The following CEP128 variants were observed in gnomAD, a reference collection of about 807,000 sequenced individuals.
The protein encoded by CEP128 is centrosomal protein 128, also known as centrosomal protein 128kDa.
Under a neutral mutation model 156.7 loss-of-function variants are expected in CEP128, and 132 were observed. That is an observed-to-expected ratio of 0.84 (90% CI 0.73 to 0.97). The LOEUF is 0.97. Among genes scored for constraint, CEP128 ranks in the 50% least tolerant of loss-of-function variants. CEP128 has a pLI of 0.00. For synonymous variants in CEP128, 469 were observed against 448.9 expected (o/e 1.04, Z -0.57); for missense variants, 1,252 against 1,281.9 (o/e 0.98, Z 0.36).
At chr14:80,880,691 C>T (rs1228354780) in intron 8 of CEP128, among the ~76,000 whole-genome samples, 4 of 103,362 alleles carry the variant, frequency 3.9e-5, no homozygotes, top group Non-Finnish European at 8.1e-5. Flanking sequence ...CCCCTCTCTA[C>T]TAAAAAAAAA....
At chr14:80,921,558 C>T (rs1349938496) in intron 2 of CEP128, among the ~76,000 whole-genome samples, 1 of 152,124 alleles carries the variant, frequency 6.6e-6, no homozygotes, top group Non-Finnish European at 1.5e-5. Flanking sequence ...TGAGCTAAGA[C>T]AACCAATATA....
At chr14:80,885,774 T>C (rs1566692953) in intron 8 of CEP128, among the ~76,000 whole-genome samples, 1 of 152,096 alleles carries the variant, frequency 6.6e-6, no homozygotes. Flanking sequence ...GGACAGAGAA[T>C]GTGTTTGACA....
chr14:80,821,760 C>G (rs1885199428), intron 13 of CEP128, among the ~76,000 whole-genome samples: 1 of 151,814 alleles, frequency 6.6e-6, no homozygotes, highest in Non-Finnish European at 1.5e-5. Context: ...ACTGCAGCCT[C>G]GGCCTCCCAG....
chr14:80,653,066 T>G (rs1241416481), intron 19 of CEP128, among the ~76,000 whole-genome samples: 2 of 152,168 alleles, frequency 1.3e-5, no homozygotes, highest in Admixed American at 6.5e-5. Flanking sequence ...GAAACCATCA[T>G]TCTCAGCAAA....
chr14:80,711,898 T>C (rs1210426897), intron 19 of CEP128, among the ~76,000 whole-genome samples: 1 of 152,046 alleles, frequency 6.6e-6, no homozygotes, highest in Non-Finnish European at 1.5e-5. Context: ...AAAATTCGAG[T>C]GAAAATAATT....
chr14:80,817,134 A>G (rs1307437414), intron 13 of CEP128, among the ~76,000 whole-genome samples: 1 of 152,174 alleles, frequency 6.6e-6, no homozygotes, highest in Non-Finnish European at 1.5e-5. Flanking sequence ...TAGAGACTAC[A>G]CACATGATGG....
chr14:80,578,017 A>G (rs1891430389), intron 20 of CEP128, among the ~76,000 whole-genome samples: 1 of 152,118 alleles, frequency 6.6e-6, no homozygotes, highest in Admixed American at 6.6e-5. Context: ...AGTTTAACCT[A>G]CCTCAATCGT....
intron 21 of CEP128, among the ~76,000 whole-genome samples, chr14:80,547,684 T>A (rs1288354734): frequency 6.6e-6 from 1 of 152,130 alleles, no homozygotes; most frequent in African/African-American, 2.4e-5. Flanking sequence ...TAATATAATA[T>A]GATTAAACTA....
intron 20 of CEP128, among the ~76,000 whole-genome samples, chr14:80,569,092 T>C (rs1240248499): frequency 1.3e-5 from 2 of 152,200 alleles, no homozygotes; most frequent in Non-Finnish European, 2.9e-5. Context: ...AAAGCTCTAT[T>C]ATCTTAAAGT....
intron 19 of CEP128, among the ~76,000 whole-genome samples, chr14:80,686,022 G>C (rs930302601): frequency 6.6e-6 from 1 of 151,980 alleles, no homozygotes; most frequent in Admixed American, 6.6e-5. Context: ...GAAAACCTAG[G>C]AAACACCATT....
intron 21 of CEP128, 106 bp from the exon 22 acceptor site, chr14:80,530,992 C>T (rs1889200222): frequency 1.8e-6 from 1 of 548,384 alleles, no homozygotes; most frequent in African/African-American, 1.9e-5. Context: ...GCAGTTCAAA[C>T]TGTAGATTTA....
chr14:80,650,730 G>A (rs1219456567), intron 19 of CEP128, among the ~76,000 whole-genome samples: 1 of 152,248 alleles, frequency 6.6e-6, no homozygotes, highest in South Asian at 2.1e-4. Flanking sequence ...TTATTGATTT[G>A]CATATATTGA....
chr14:80,611,515 T>C (rs1362241437), intron 19 of CEP128, among the ~76,000 whole-genome samples: 7 of 152,226 alleles, frequency 4.6e-5, no homozygotes, highest in African/African-American at 2.4e-5. Context: ...AATCTTAGAT[T>C]ATGGCTATTT....
At chr14:80,810,451 A>T (rs537006218) in intron 13 of CEP128, among the ~76,000 whole-genome samples, 65 of 152,228 alleles carry the variant, frequency 4.3e-4, no homozygotes, top group Non-Finnish European at 6.3e-4. Context: ...CTCATATTAA[A>T]ACATATAGAT....
rs140795538 is a variant in CEP128, at chr14:80,595,119, A to G, written c.2807-14696T>C. Among the ~76,000 whole-genome samples, 350 of 152,376 alleles carry G rather than the reference A, an allele frequency of 2.3e-3. 1 individual carries two copies. The highest frequency in any genetic ancestry group is 8.1e-3 in the African/African-American group (337 of 41,590). ...ACTAGATAAAGAAAATGTGGCACAT[A>G]CACACATGGAATACTATGCAGCCAT... On this transcript the variant is annotated intron_variant, in intron 19 of 24. Transcript: ENST00000555265.
intron 23 of CEP128, among the ~76,000 whole-genome samples, chr14:80,514,437 A>G (rs1362025187): frequency 2.0e-5 from 3 of 151,736 alleles, no homozygotes; most frequent in African/African-American, 7.3e-5. Context: ...CTCTGACTGT[A>G]TATTTTCAAA....
At chr14:80,785,943 G>A (rs1309883584) in intron 14 of CEP128, among the ~76,000 whole-genome samples, 1 of 152,062 alleles carries the variant, frequency 6.6e-6, no homozygotes, top group Admixed American at 6.6e-5. Context: ...ACATTCCAAT[G>A]ATACACTTTT....
intron 8 of CEP128, among the ~76,000 whole-genome samples, chr14:80,890,604 C>T (rs1487819273): frequency 1.3e-5 from 2 of 151,954 alleles, no homozygotes; most frequent in East Asian, 1.9e-4. Flanking sequence ...GAGAGGAGAA[C>T]ATCACACACT....
At chr14:80,511,311 A>G (rs1208977737) in intron 23 of CEP128, among the ~76,000 whole-genome samples, 1 of 151,744 alleles carries the variant, frequency 6.6e-6, no homozygotes, top group African/African-American at 2.4e-5. Context: ...CAGGTTTTGG[A>G]TTATTTTCCA....
Sources: gnomAD v4.1 joint callset for allele counts (sites outside exome capture counted in the v4.1 genomes callset) on GRCh38, gnomAD v4.1.1 for gene constraint, MANE v1.5 for transcripts, NCBI Gene and HGNC (gene_info 2026-07-23, HGNC 2026-07-21) for gene names.